The following CDK12 variants were observed in gnomAD, a reference collection of about 807,000 sequenced individuals.
CDK12 encodes cyclin dependent kinase 12.
Under a neutral mutation model 133.8 loss-of-function variants are expected in CDK12, and 17 were observed. That is an observed-to-expected ratio of 0.13 (90% CI 0.09 to 0.19). CDK12 has a LOEUF of 0.19. Among genes scored for constraint, CDK12 ranks in the 10% least tolerant of loss-of-function variants. The pLI, the probability that CDK12 is intolerant of heterozygous loss-of-function variation, is 1.00. For missense variants in CDK12, 1,508 were observed against 1,818.7 expected (o/e 0.83, Z 3.11); for synonymous variants, 694 against 683.6 (o/e 1.02, Z -0.24).
At chr17:39,566,582 C>G (rs904096940), downstream of CDK12, among the ~76,000 whole-genome samples, 1 of 152,230 alleles carries the variant, frequency 6.6e-6, no homozygotes, top group African/African-American at 2.4e-5. Flanking sequence ...GCCATACCCC[C>G]CTTCTCTGCA....
intron 12 of CDK12, among the ~76,000 whole-genome samples, chr17:39,525,575 T>G (rs2054447668): frequency 6.6e-6 from 1 of 152,192 alleles, no homozygotes; most frequent in Non-Finnish European, 1.5e-5. Flanking sequence ...TCTTAGTAAT[T>G]CTGATGTATA....
intron 2 of CDK12, among the ~76,000 whole-genome samples, chr17:39,487,427 TA>T (rs1399759041): frequency 7.9e-5 from 12 of 152,268 alleles, no homozygotes; most frequent in Middle Eastern, 6.8e-3. Flanking sequence ...TATTTTCCTT[TA>T]TAACTACCTG....
chr17:39,543,154 A>G (rs2055510382), upstream of CDK12, among the ~76,000 whole-genome samples: 1 of 152,220 alleles, frequency 6.6e-6, no homozygotes, highest in Non-Finnish European at 1.5e-5. Flanking sequence ...CAGCAAAAAG[A>G]GGTATGCTCT....
intron 8 of CDK12, 60 bp downstream of exon 8, chr17:39,511,690 G>C (rs1040377463): frequency 7.3e-6 from 8 of 1,100,710 alleles, no homozygotes; most frequent in Non-Finnish European, 1.1e-5. Context: ...CTTGTACTTT[G>C]TTTTCTCTGT....
At chr17:39,506,492 A>G (rs1035791022) in intron 6 of CDK12, among the ~76,000 whole-genome samples, 2 of 152,144 alleles carry the variant, frequency 1.3e-5, no homozygotes, top group African/African-American at 4.8e-5. Context: ...CTAGGATTAC[A>G]GACGCGAGCC....
chr17:39,471,642 C>T lies in CDK12; in HGVS notation c.1810C>T (p.Pro604Ser), dbSNP rs1183263928. 4.3e-6 allele frequency: 7 copies of T among 1,614,002 alleles called. No homozygotes were observed. Among genetic ancestry groups the T allele is most frequent in the Middle Eastern group, 1.6e-4 (1 of 6,084 alleles). The change falls in exon 2 of 14, where the codon CCT (proline) becomes TCT (serine). Residue 604 changes from proline (P) to serine (S), a missense_variant. By Grantham distance (74) the Pro-to-Ser change is moderately conservative. Around this residue, in one of 9 missense-constraint regions of CDK12, gnomAD observed 347 missense variants for 330.8 expected, o/e 1.05. Coordinates refer to ENST00000447079, the MANE Select transcript of CDK12 (RefSeq NM_016507.4). ...AVSSQANSQP[P>S]VQVSVKTQVS... ...GTCCTCTCAGGCAAATTCTCAGCCC[C>T]CTGTACAGGTTTCTGTGAAGACTCA... is the stretch of plus-strand genomic sequence containing the variant.
At chr17:39,561,411 A>G (rs184340122) in intron 3 of CDK12, among the ~76,000 whole-genome samples, 70 of 152,336 alleles carry the variant, frequency 4.6e-4, no homozygotes, top group Admixed American at 1.6e-3. Flanking sequence ...TAGAGAGGGC[A>G]TGAGCACAGT....
chr17:39,552,876 G>A (rs1482297471), intron 2 of CDK12, among the ~76,000 whole-genome samples: 3 of 152,018 alleles, frequency 2.0e-5, no homozygotes, highest in Admixed American at 1.3e-4. Context: ...TTATAGGTGC[G>A]CACCACCATG....
intron 2 of CDK12, among the ~76,000 whole-genome samples, chr17:39,476,111 T>C (rs138641447): frequency 6.6e-6 from 1 of 151,474 alleles, no homozygotes; most frequent in Non-Finnish European, 1.5e-5. Context: ...ACAAAAAGCA[T>C]CTTGATGATT....
intron 2 of CDK12, among the ~76,000 whole-genome samples, chr17:39,483,429 T>C (rs2050876955): frequency 6.6e-6 from 1 of 152,038 alleles, no homozygotes; most frequent in Admixed American, 6.6e-5. Flanking sequence ...CATGCCTGGC[T>C]AATTTTTGTA....
At chr17:39,545,502 T>C (rs916069322), upstream of CDK12, among the ~76,000 whole-genome samples, 22 of 147,978 alleles carry the variant, frequency 1.5e-4, no homozygotes, top group Non-Finnish European at 3.3e-4. Flanking sequence ...AAAGCTTTTT[T>C]TTTTTTTTTT....
intron 2 of CDK12, among the ~76,000 whole-genome samples, chr17:39,476,297 G>C (rs1255782371): frequency 6.6e-6 from 1 of 151,402 alleles, no homozygotes; most frequent in African/African-American, 2.4e-5. Context: ...TTTAGTAGAG[G>C]TAGGGTTTCA....
At chr17:39,538,133 A>G (rs993793767), downstream of CDK12, among the ~76,000 whole-genome samples, 4 of 152,218 alleles carry the variant, frequency 2.6e-5, no homozygotes, top group African/African-American at 7.2e-5. Flanking sequence ...AGCAATATGT[A>G]AGGACATTTA....
Position 39,462,036 on chromosome 17 carries a change from G to A in CDK12, c.-36G>A, listed in dbSNP as rs376274141. On this transcript the variant is annotated 5_prime_UTR_variant, in exon 1 of 14. Coordinates refer to ENST00000447079, the MANE Select transcript of CDK12 (RefSeq NM_016507.4). ...GGGGGTTGCTTTTTGGAGTGCTGGG[G>A]AACTTTTTTCCCTTCTTCAGGTCAG... 6.4e-7 allele frequency: 1 copy of A among 1,571,216 alleles called. No homozygotes were observed. Among genetic ancestry groups the A allele is most frequent in the South Asian group, 1.1e-5 (1 of 88,328 alleles).
intron 2 of CDK12, among the ~76,000 whole-genome samples, chr17:39,475,262 G>A (rs1432034160): frequency 6.6e-6 from 1 of 151,878 alleles, no homozygotes; most frequent in African/African-American, 2.4e-5. Context: ...TTAAGGCCAG[G>A]AGTTCAAAAC....
Position 39,563,376 on chromosome 17 carries a change from T to TGAGA in CDK12, n.485-1381_485-1378dup, listed in dbSNP as rs556549557. ...CTAGGGATACCCACATGTAAATATC[T>TGAGA]GAGAGAACTCAATATTCTCTCTCTC... On this transcript the variant is annotated intron_variant and non_coding_transcript_variant, in intron 3 of 3. Coordinates refer to the CDK12 transcript ENST00000558240. 2.6e-3 allele frequency among the ~76,000 whole-genome samples: 393 copies of TGAGA among 150,046 alleles called. 1 individual carries two copies. Among genetic ancestry groups the TGAGA allele is most frequent in the African/African-American group, 9.1e-3 (364 of 40,136 alleles).
chr17:39,492,887 A>G lies in CDK12; in HGVS notation c.2245A>G (p.Thr749Ala). The part of the protein sequence containing the change: ...GQVYKAKDKD[T>A]GELVALKKVR... ...AGTATATAAAGCCAAGGACAAAGAC[A>G]CAGGTAAATATTGCCACAAAATTTT... Residue 749 changes from threonine to alanine, a missense_variant, in exon 4 of 14, where the codon ACA becomes GCA. Coordinates refer to ENST00000447079, the MANE Select transcript of CDK12 (RefSeq NM_016507.4). The G allele has an allele frequency of 1.9e-6, 3 of 1,599,648 alleles. No individual in the cohort carries two copies. The highest frequency in any genetic ancestry group is 2.6e-6 in the Non-Finnish European group (3 of 1,175,908).
chr17:39,531,347 T>A lies in CDK12; in HGVS notation c.*31T>A. 1 of 1,417,462 alleles carries A rather than the reference T, an allele frequency of 7.1e-7. No homozygotes were observed. The highest frequency in any genetic ancestry group is 9.2e-7 in the Non-Finnish European group (1 of 1,082,556). 87.8% of individuals were successfully genotyped at this position (1,417,462 alleles called of 1,614,324 possible). A position where few individuals can be genotyped will look rare whatever the true frequency, so the allele number is the denominator to read the frequency against. On this transcript the variant is annotated 3_prime_UTR_variant, in exon 14 of 14. Transcript: ENST00000447079. ...AGACTTCAGTGTCCTGAAAGATTCC[T>A]TTCCTATCCATCCTTCCATCCAGTT...
At chr17:39,476,318 CCT>C (rs1450605008) in intron 2 of CDK12, among the ~76,000 whole-genome samples, 1 of 151,890 alleles carries the variant, frequency 6.6e-6, no homozygotes, top group Non-Finnish European at 1.5e-5. Flanking sequence ...CCATATTTCT[CCT>C]GGATGGTCTC....
Sources: gnomAD v4.1 joint callset for allele counts (sites outside exome capture counted in the v4.1 genomes callset) on GRCh38, gnomAD v4.1.1 for gene constraint, gnomAD v4.1.1 regional missense constraint, MANE v1.5 for transcripts, NCBI Gene and HGNC (gene_info 2026-07-23, HGNC 2026-07-21) for gene names.